The following RSU1 variants were observed in gnomAD, a reference collection of about 807,000 sequenced individuals.
RSU1 encodes the protein rsu-1.
RSU1 carries 26 observed loss-of-function variants against 31.1 expected under a neutral mutation model. The ratio of observed to expected loss-of-function variants is 0.84; its 90% CI spans 0.61 to 1.16. RSU1 has a LOEUF of 1.16. Ranked by LOEUF, RSU1 falls within the 50% of genes most tolerant of loss-of-function variation. RSU1 has a pLI of 0.00. For missense variants in RSU1, 320 were observed against 339.1 expected (o/e 0.94, Z 0.44); for synonymous variants, 164 against 136.3 (o/e 1.20, Z -1.41).
chr10:16,692,174 T>G (rs1411841613), intron 8 of RSU1, among the ~76,000 whole-genome samples: 3 of 152,174 alleles, frequency 2.0e-5, no homozygotes, highest in African/African-American at 4.8e-5. Context: ...CCCCCCAAAA[T>G]AGGATGCTAA....
At chr10:16,814,017 A>C (rs141344042) in intron 2 of RSU1, among the ~76,000 whole-genome samples, 132 of 152,350 alleles carry the variant, frequency 8.7e-4, no homozygotes, top group African/African-American at 3.1e-3. Flanking sequence ...AATTAAACAA[A>C]GTAAGAATAA....
At chr10:16,810,595 GGCA>G (rs1301215453) in intron 2 of RSU1, among the ~76,000 whole-genome samples, 5 of 152,302 alleles carry the variant, frequency 3.3e-5, no homozygotes, top group Admixed American at 2.6e-4. Flanking sequence ...TGAGGAATAA[GGCA>G]GTGGGTGTGC....
chr10:16,596,721 GATT>G (rs796510973), intron 8 of RSU1, among the ~76,000 whole-genome samples: 23 of 152,166 alleles, frequency 1.5e-4, no homozygotes, highest in Admixed American at 5.2e-4. Flanking sequence ...AAACTTTAAG[GATT>G]ATTATTATTA....
At chr10:16,769,979 A>G (rs1314040015) in intron 3 of RSU1, among the ~76,000 whole-genome samples, 6 of 152,176 alleles carry the variant, frequency 3.9e-5, no homozygotes, top group Admixed American at 3.9e-4. Context: ...AAAGCCTTGA[A>G]TTCCCTAGCA....
At chr10:16,801,974 T>C (rs1838165310) in intron 2 of RSU1, among the ~76,000 whole-genome samples, 1 of 151,988 alleles carries the variant, frequency 6.6e-6, no homozygotes, top group South Asian at 2.1e-4. Flanking sequence ...GGCAATTACC[T>C]CTGCACCAAC....
intron 8 of RSU1, among the ~76,000 whole-genome samples, chr10:16,617,090 T>C (rs939797017): frequency 3.3e-5 from 5 of 152,180 alleles, no homozygotes; most frequent in African/African-American, 9.7e-5. Flanking sequence ...AAAACCTTAT[T>C]GTCTCATCCC....
intron 2 of RSU1, among the ~76,000 whole-genome samples, chr10:16,785,431 T>TATATATATACACATATATACATATATAA (rs1837759663): frequency 7.8e-6 from 1 of 128,006 alleles, no homozygotes. Flanking sequence ...TATATACATA[T>TATATATATACACATATATACATATATAA]ATATATATAC....
intron 8 of RSU1, among the ~76,000 whole-genome samples, chr10:16,616,823 A>G (rs1388691637): frequency 6.6e-6 from 1 of 152,250 alleles, no homozygotes; most frequent in East Asian, 1.9e-4. Context: ...ACATCCCATC[A>G]TGCTAAAAAC....
intron 3 of RSU1, among the ~76,000 whole-genome samples, chr10:16,778,607 AAG>A (rs1371020359): frequency 2.6e-5 from 4 of 152,190 alleles, no homozygotes; most frequent in African/African-American, 9.7e-5. Context: ...GTCTACATGC[AAG>A]AGAGTTTGGG....
intron 8 of RSU1, among the ~76,000 whole-genome samples, chr10:16,634,629 C>G (rs1834315027): frequency 6.6e-6 from 1 of 152,162 alleles, no homozygotes; most frequent in South Asian, 2.1e-4. Flanking sequence ...TTAAATGCTG[C>G]TCAACTCCCA....
chr10:16,647,376 G>C (rs998089219), intron 8 of RSU1, among the ~76,000 whole-genome samples: 1 of 152,178 alleles, frequency 6.6e-6, no homozygotes, highest in Non-Finnish European at 1.5e-5. Context: ...GTTACCATTT[G>C]ACCCGGCAAT....
rs929858379 is a variant in RSU1, at chr10:16,764,279, T to A, written c.281+111A>T. On this transcript the variant is annotated intron_variant, in intron 4 of 8. Coordinates refer to ENST00000345264, the MANE Select transcript of RSU1 (RefSeq NM_012425.4). ...TTAAGACCCAAAACATAAAAAGAAA[T>A]TAGAAATCCATTTCTGTGCAATAAT... 3 of 1,253,440 alleles carry A rather than the reference T, an allele frequency of 2.4e-6. No homozygotes were observed. The African/African-American group carries it at 4.5e-5, about 19-fold the overall frequency. The allele number at this position is 1,253,440 out of a possible 1,614,324, so 77.6% of individuals were successfully genotyped here. A position where few individuals can be genotyped will look rare whatever the true frequency, so the allele number is the denominator to read the frequency against.
At chr10:16,709,669 C>T (rs1415196289) in intron 7 of RSU1, among the ~76,000 whole-genome samples, 4 of 152,158 alleles carry the variant, frequency 2.6e-5, no homozygotes, top group Admixed American at 2.6e-4. Flanking sequence ...TGTTTCCTGA[C>T]TTTTTAACGA....
intron 8 of RSU1, among the ~76,000 whole-genome samples, chr10:16,613,700 G>A (rs1052421534): frequency 6.6e-6 from 1 of 151,936 alleles, no homozygotes; most frequent in Non-Finnish European, 1.5e-5. Flanking sequence ...AGACAGGCAT[G>A]TTGCAGTAAT....
intron 7 of RSU1, among the ~76,000 whole-genome samples, chr10:16,744,808 CT>C (rs1194756662): frequency 1.3e-5 from 2 of 152,178 alleles, no homozygotes; most frequent in African/African-American, 4.8e-5. Context: ...GCATACTCTT[CT>C]TGCTATGTCT....
chr10:16,799,385 A>G (rs1374375561), intron 2 of RSU1, among the ~76,000 whole-genome samples: 1 of 152,198 alleles, frequency 6.6e-6, no homozygotes, highest in Admixed American at 6.5e-5. Flanking sequence ...ACAGGCAAAC[A>G]CAGAGAATCA....
intron 8 of RSU1, among the ~76,000 whole-genome samples, chr10:16,664,983 G>A (rs190378290): frequency 2.0e-5 from 3 of 151,478 alleles, no homozygotes; most frequent in Admixed American, 1.3e-4. Flanking sequence ...TCACTCTGTC[G>A]CCCAGGCTGG....
chr10:16,758,985 G>A (rs1434698770), intron 4 of RSU1, among the ~76,000 whole-genome samples: 2 of 152,156 alleles, frequency 1.3e-5, no homozygotes, highest in Non-Finnish European at 2.9e-5. Flanking sequence ...GCATATGATG[G>A]AGAAGTTGAT....
At chr10:16,711,953 T>C (rs1189074430) in intron 7 of RSU1, among the ~76,000 whole-genome samples, 3 of 152,220 alleles carry the variant, frequency 2.0e-5, no homozygotes, top group Non-Finnish European at 4.4e-5. Flanking sequence ...CCTTTTATAA[T>C]TGTATTGCAG....
Sources: allele counts gnomAD v4.1 joint callset (sites outside exome capture counted in the v4.1 genomes callset), GRCh38; gene constraint gnomAD v4.1.1; transcripts MANE v1.5; gene names NCBI Gene and HGNC (gene_info 2026-07-23, HGNC 2026-07-21).